Variants in GUCY1A2 observed in about 807,000 individuals in gnomAD.
GUCY1A2 encodes guanylate cyclase 1 soluble subunit alpha 2, also known as guanylate cyclase soluble subunit alpha-2.
Under a neutral mutation model 63.5 loss-of-function variants are expected in GUCY1A2, and 27 were observed. The observed-to-expected ratio is 0.43, with a 90% CI of 0.31 to 0.59. GUCY1A2 has a LOEUF of 0.59. Ranked by LOEUF, GUCY1A2 falls within the 20% of genes least tolerant of loss-of-function variation. The pLI, the probability that GUCY1A2 is intolerant of heterozygous loss-of-function variation, is 0.11. For synonymous variants in GUCY1A2, 364 were observed against 343.5 expected (o/e 1.06, Z -0.66); for missense variants, 768 against 913.3 (o/e 0.84, Z 2.05).
At chr11:106,999,765 T>C (rs1419591875) in intron 1 of GUCY1A2, among the ~76,000 whole-genome samples, 1 of 152,206 alleles carries the variant, frequency 6.6e-6, no homozygotes, top group Non-Finnish European at 1.5e-5. Context: ...TCTATCACTA[T>C]AGTTGCCATT....
rs1042735114 is a variant in GUCY1A2 at position 106,918,643 on chromosome 11, T to C, written c.1206+20817A>G. On this transcript the variant is annotated intron_variant, in intron 4 of 7. Coordinates refer to ENST00000526355, the MANE Select transcript of GUCY1A2 (RefSeq NM_000855.3). ...AAAAAAAGAAAGGAAATTTTCAAAA[T>C]TTATTGGTGACAAGACCTGTGAATC... 1.4e-5 allele frequency among the ~76,000 whole-genome samples: 2 copies of C among 145,530 alleles called. 1 individual carries two copies. The highest frequency in any genetic ancestry group is 3.1e-5 in the Non-Finnish European group (2 of 64,754).
chr11:106,766,747 T>C (rs1323325191), intron 6 of GUCY1A2, among the ~76,000 whole-genome samples: 1 of 152,110 alleles, frequency 6.6e-6, no homozygotes, highest in East Asian at 1.9e-4. Flanking sequence ...TCATTTTTCA[T>C]ATTGTAAGAG....
At chr11:106,707,003 AATG>A (rs1308209252) in intron 7 of GUCY1A2, among the ~76,000 whole-genome samples, 9 of 152,152 alleles carry the variant, frequency 5.9e-5, no homozygotes, top group African/African-American at 2.2e-4. Flanking sequence ...TTAGATAAGT[AATG>A]ATTAGATAGA....
intron 6 of GUCY1A2, among the ~76,000 whole-genome samples, chr11:106,760,865 GA>G (rs1864054783): frequency 6.6e-6 from 1 of 152,092 alleles, no homozygotes; most frequent in Non-Finnish European, 1.5e-5. Flanking sequence ...GGCTCTCACA[GA>G]AGGAAGACAG....
intron 1 of GUCY1A2, among the ~76,000 whole-genome samples, chr11:107,006,836 A>AGG (rs1861677969): frequency 1.3e-5 from 2 of 152,244 alleles, no homozygotes; most frequent in Non-Finnish European, 2.9e-5. Context: ...AGGACTGACT[A>AGG]ACAAATTTAA....
chr11:106,713,964 G>A (rs1863170988), intron 6 of GUCY1A2, among the ~76,000 whole-genome samples: 1 of 151,324 alleles, frequency 6.6e-6, no homozygotes, highest in South Asian at 2.1e-4. Context: ...CAAGCAGGAG[G>A]AGAGCAGAAG....
intron 4 of GUCY1A2, among the ~76,000 whole-genome samples, chr11:106,931,062 T>G (rs1364679458): frequency 6.6e-6 from 1 of 152,200 alleles, no homozygotes; most frequent in Admixed American, 6.5e-5. Context: ...TCCATAAATA[T>G]TTTTAAAGGA....
intron 3 of GUCY1A2, among the ~76,000 whole-genome samples, chr11:106,948,808 T>C (rs1860864976): frequency 6.6e-6 from 1 of 152,172 alleles, no homozygotes; most frequent in Non-Finnish European, 1.5e-5. Context: ...AAAGAATGGT[T>C]TACTTAATAA....
chr11:106,709,627 A>AG (rs375745991), intron 6 of GUCY1A2, among the ~76,000 whole-genome samples: 1 of 30,382 alleles, frequency 3.3e-5, no homozygotes, highest in Non-Finnish European at 6.9e-5. Flanking sequence ...ACGTGTATAT[A>AG]TTATATACAC....
intron 4 of GUCY1A2, among the ~76,000 whole-genome samples, chr11:106,853,059 G>A (rs1466957237): frequency 2.0e-5 from 3 of 152,078 alleles, no homozygotes; most frequent in African/African-American, 2.4e-5. Context: ...CTTTTCTCTT[G>A]CTGTTTGTAG....
intron 3 of GUCY1A2, among the ~76,000 whole-genome samples, chr11:106,969,595 C>T (rs530011840): frequency 1.3e-5 from 2 of 152,100 alleles, no homozygotes; most frequent in East Asian, 3.9e-4. Context: ...TTTCAAAAAG[C>T]AAATGTGACA....
chr11:106,737,066 C>T (rs942192668), intron 6 of GUCY1A2, among the ~76,000 whole-genome samples: 1 of 152,264 alleles, frequency 6.6e-6, no homozygotes, highest in South Asian at 2.1e-4. Flanking sequence ...ATCCTAGTAG[C>T]AAATCCCTTA....
chr11:106,856,001 C>G (rs997182547), intron 4 of GUCY1A2, among the ~76,000 whole-genome samples: 46 of 151,768 alleles, frequency 3.0e-4, no homozygotes, highest in Middle Eastern at 3.4e-3. Context: ...CCTCAGCTTA[C>G]TGCAGCCTCA....
intron 2 of GUCY1A2, among the ~76,000 whole-genome samples, chr11:106,980,557 C>A (rs997166673): frequency 2.0e-5 from 3 of 152,122 alleles, no homozygotes; most frequent in Non-Finnish European, 4.4e-5. Context: ...GTCTCTTAGG[C>A]CAAGTCCTGA....
Position 107,018,124 on chromosome 11 carries a change from G to A in GUCY1A2, c.-69C>T, listed in dbSNP as rs1861854828. 9.5e-7 allele frequency: 1 copy of A among 1,053,282 alleles called. No homozygotes were observed. The highest frequency in any genetic ancestry group is 1.3e-6 in the Non-Finnish European group (1 of 797,350). The allele number at this position is 1,053,282 out of a possible 1,614,324, so 65.2% of individuals were successfully genotyped here. ...CGCGAGCGGCGGCGGAGGCGGCGGTGGCGGGACCGGCAAGCGACAACGTTA... is the reference window on the plus strand; with the variant it reads ...CGCGAGCGGCGGCGGAGGCGGCGGTAGCGGGACCGGCAAGCGACAACGTTA... On this transcript the variant is annotated 5_prime_UTR_variant, in exon 1 of 8. Coordinates refer to ENST00000526355, the MANE Select transcript of GUCY1A2 (RefSeq NM_000855.3).
At chr11:106,796,529 T>G (rs1864764049) in intron 5 of GUCY1A2, among the ~76,000 whole-genome samples, 1 of 152,200 alleles carries the variant, frequency 6.6e-6, no homozygotes, top group Admixed American at 6.5e-5. Flanking sequence ...CTCCTTCAGT[T>G]ATGAAGCTTA....
intron 4 of GUCY1A2, among the ~76,000 whole-genome samples, chr11:106,879,111 TC>T (rs760633950): frequency 6.7e-6 from 1 of 149,840 alleles, no homozygotes; most frequent in Non-Finnish European, 1.5e-5. Flanking sequence ...ACCAGAACAG[TC>T]TTTTTTAGTG....
At chr11:106,807,610 T>G (rs761944805) in intron 5 of GUCY1A2, among the ~76,000 whole-genome samples, 6 of 152,150 alleles carry the variant, frequency 3.9e-5, no homozygotes, top group African/African-American at 1.2e-4. Flanking sequence ...TAGTTAATAT[T>G]GAGTGTAAAC....
chr11:106,865,814 A>T (rs982213149), intron 4 of GUCY1A2, among the ~76,000 whole-genome samples: 6 of 151,536 alleles, frequency 4.0e-5, no homozygotes, highest in Admixed American at 6.6e-5. Context: ...ATAATAATAA[A>T]AAGAAACATA....
Sources: gnomAD v4.1 joint callset for allele counts (sites outside exome capture counted in the v4.1 genomes callset) on GRCh38, gnomAD v4.1.1 for gene constraint, MANE v1.5 for transcripts, NCBI Gene and HGNC (gene_info 2026-07-23, HGNC 2026-07-21) for gene names.